The following PLPPR1 variants were observed in gnomAD, a reference collection of about 807,000 sequenced individuals.
The protein encoded by PLPPR1 is phospholipid phosphatase related 1, also known as phospholipid phosphatase-related protein type 1.
In PLPPR1, 10 loss-of-function variants were observed where a neutral mutation model predicts 33.1. The ratio of observed to expected loss-of-function variants is 0.30; its 90% CI spans 0.19 to 0.51. PLPPR1 has a LOEUF of 0.51. Among genes scored for constraint, PLPPR1 ranks in the 20% least tolerant of loss-of-function variants. The pLI is 0.97. For missense variants in PLPPR1, 304 were observed against 408.1 expected, an observed-to-expected ratio of 0.74 and a Z score of 2.20; for synonymous variants, 151 against 151.0, an observed-to-expected ratio of 1.00 and a Z score of 0.00.
At chr9:101,164,852 T>A (rs767652460) in intron 1 of PLPPR1, among the ~76,000 whole-genome samples, 11 of 152,210 alleles carry the variant, frequency 7.2e-5, no homozygotes, top group Non-Finnish European at 1.5e-4. Flanking sequence ...GTTGTTTGAC[T>A]TCATTCATTC....
chr9:101,152,989 C>A (rs1831611759), intron 1 of PLPPR1, among the ~76,000 whole-genome samples: 1 of 152,164 alleles, frequency 6.6e-6, no homozygotes, highest in African/African-American at 2.4e-5. Context: ...TTACTTTGGG[C>A]AGAATGGCCA....
intron 1 of PLPPR1, among the ~76,000 whole-genome samples, chr9:101,076,329 G>A (rs1438223004): frequency 6.6e-6 from 1 of 152,122 alleles, no homozygotes; most frequent in Non-Finnish European, 1.5e-5. Context: ...CTGAAATAAT[G>A]TGACTCTGCC....
intron 2 of PLPPR1, among the ~76,000 whole-genome samples, chr9:101,246,515 A>G (rs1827613782): frequency 1.3e-5 from 2 of 152,012 alleles, no homozygotes; most frequent in Admixed American, 1.3e-4. Context: ...CATTTTACAG[A>G]TGAAGGAACT....
intron 1 of PLPPR1, among the ~76,000 whole-genome samples, chr9:101,163,854 A>T (rs1173686920): frequency 6.6e-6 from 1 of 152,208 alleles, no homozygotes; most frequent in African/African-American, 2.4e-5. Flanking sequence ...AATCCCTGGA[A>T]TAATTTTTAC....
chr9:101,155,145 G>A (rs967465449), intron 1 of PLPPR1, among the ~76,000 whole-genome samples: 7 of 151,984 alleles, frequency 4.6e-5, no homozygotes, highest in African/African-American at 1.7e-4. Context: ...CTAACTGTCA[G>A]GAAACAGTCT....
chr9:101,163,317 A>G (rs1219060581), intron 1 of PLPPR1, among the ~76,000 whole-genome samples: 1 of 152,214 alleles, frequency 6.6e-6, no homozygotes, highest in Non-Finnish European at 1.5e-5. Context: ...ACTTTCATTC[A>G]ACAAATGTTT....
rs1829211606 is a variant in PLPPR1 at position 101,324,306 on chromosome 9, C to T, written c.*249C>T. On this transcript the variant is annotated 3_prime_UTR_variant, in exon 8 of 8. Transcript: ENST00000374874. ...AACAAAATTTTCTTGTTCAAGCGTG[C>T]ATTGAAGAACCACATTTATTCAATG... is the stretch of plus-strand genomic sequence containing the variant. 5.2e-6 allele frequency: 2 copies of T among 382,824 alleles called. No homozygotes were observed. Among genetic ancestry groups the T allele is most frequent in the South Asian group, 1.5e-4 (2 of 13,622 alleles). The allele number at this position is 382,824 out of a possible 1,614,324, so 23.7% of individuals were successfully genotyped here.
chr9:101,291,449 C>T (rs1330527290), intron 4 of PLPPR1, among the ~76,000 whole-genome samples: 1 of 152,208 alleles, frequency 6.6e-6, no homozygotes, highest in Non-Finnish European at 1.5e-5. Flanking sequence ...GTTCTCCCAG[C>T]ACGCAGCTGG....
At position 101,296,512 on chromosome 9, in the gene PLPPR1, C is replaced by A. The variant is rs184928388; in HGVS notation, c.385+10276C>A. Among the ~76,000 whole-genome samples the A allele has an allele frequency of 5.8e-3, 885 of 151,954 alleles. 9 individuals carry two copies. Among genetic ancestry groups the A allele is most frequent in the African/African-American group, 0.02 (825 of 41,288 alleles). ...GACACATGCACATGTATGTTTATTGCGGCACTATTCACAATAGCAAAGACT... is the reference window on the plus strand; with the variant it reads ...GACACATGCACATGTATGTTTATTGAGGCACTATTCACAATAGCAAAGACT... On this transcript the variant is annotated intron_variant, in intron 4 of 7. Coordinates refer to ENST00000374874, the MANE Select transcript of PLPPR1 (RefSeq NM_207299.2).
At chr9:101,091,641 G>A (rs12349940) in intron 1 of PLPPR1, among the ~76,000 whole-genome samples, 103,233 of 152,042 alleles carry the variant, frequency 0.68, 35,369 homozygotes, top group East Asian at 0.89. Flanking sequence ...AGGTCATCTG[G>A]TTAGCAACCT....
chr9:101,226,577 G>A (rs1454025521), intron 2 of PLPPR1, among the ~76,000 whole-genome samples: 2 of 152,068 alleles, frequency 1.3e-5, no homozygotes, highest in South Asian at 4.1e-4. Context: ...TTCTCCTTGT[G>A]TTCTTATGTG....
At chr9:101,067,334 T>C (rs1280374738) in intron 1 of PLPPR1, among the ~76,000 whole-genome samples, 3 of 152,056 alleles carry the variant, frequency 2.0e-5, no homozygotes, top group Non-Finnish European at 2.9e-5. Context: ...AGGATAGGAT[T>C]TGAGGAAGTA....
chr9:101,050,861 T>A (rs1476553781), intron 1 of PLPPR1, among the ~76,000 whole-genome samples: 1 of 152,154 alleles, frequency 6.6e-6, no homozygotes, highest in Non-Finnish European at 1.5e-5. Flanking sequence ...TACCACAACC[T>A]CTTAGCCTTT....
Position 101,100,627 on chromosome 9 carries a change from G to A in PLPPR1, c.-46+71525G>A, listed in dbSNP as rs1246428669. ...TATGCTAGCATTTAAGAAATTTCAA[G>A]GAATTATTTTCTGATAATATATGGG... On this transcript the variant is annotated intron_variant, in intron 1 of 7. Coordinates refer to ENST00000374874, the MANE Select transcript of PLPPR1 (RefSeq NM_207299.2). Among the ~76,000 whole-genome samples the A allele has an allele frequency of 6.6e-5, 10 of 151,542 alleles. No homozygotes were observed. The South Asian group carries it at 1.7e-3, about 25-fold the overall frequency.
intron 4 of PLPPR1, among the ~76,000 whole-genome samples, chr9:101,301,348 G>A (rs1451041465): frequency 1.3e-5 from 2 of 152,008 alleles, no homozygotes; most frequent in Non-Finnish European, 2.9e-5. Flanking sequence ...ACTTCCCTTA[G>A]TTACATCTAC....
chr9:101,314,232 T>C (rs1829012006), intron 6 of PLPPR1, among the ~76,000 whole-genome samples: 1 of 152,218 alleles, frequency 6.6e-6, no homozygotes, highest in South Asian at 2.1e-4. Context: ...CCAAGATCCA[T>C]TTGGATTGGC....
rs187628138 is a variant in PLPPR1 at position 101,063,376 on chromosome 9, G to A, written c.-46+34274G>A. On this transcript the variant is annotated intron_variant, in intron 1 of 7. Coordinates refer to ENST00000374874, the MANE Select transcript of PLPPR1 (RefSeq NM_207299.2). Reference sequence around the variant, plus strand: ...ATGTGTCAATCAGTGTCCAGCTGGCGCTTAAGCAGAGAGTGGAGAGGTTGT... The same window carrying A: ...ATGTGTCAATCAGTGTCCAGCTGGCACTTAAGCAGAGAGTGGAGAGGTTGT... 1.2e-4 allele frequency among the ~76,000 whole-genome samples: 18 copies of A among 152,140 alleles called. No individual in the cohort carries two copies. In the East Asian group the frequency reaches 2.1e-3, roughly 18 times the overall value.
At chr9:101,195,308 G>A (rs1041671804) in intron 2 of PLPPR1, among the ~76,000 whole-genome samples, 1 of 151,986 alleles carries the variant, frequency 6.6e-6, no homozygotes, top group African/African-American at 2.4e-5. Context: ...AAGGGAACGA[G>A]ATTCTTTATA....
chr9:101,242,235 G>A (rs191760963), intron 2 of PLPPR1, among the ~76,000 whole-genome samples: 190 of 151,384 alleles, frequency 1.3e-3, no homozygotes, highest in Admixed American at 2.0e-3. Flanking sequence ...GGAGGAGCTG[G>A]AATTCTTTTT....
Sources: gnomAD v4.1 joint callset for allele counts (sites outside exome capture counted in the v4.1 genomes callset) on GRCh38, gnomAD v4.1.1 for gene constraint, MANE v1.5 for transcripts, NCBI Gene and HGNC (gene_info 2026-07-23, HGNC 2026-07-21) for gene names.